Variants in SLC44A1 observed in about 807,000 individuals in gnomAD.
SLC44A1 encodes the protein choline transporter-like protein 1.
Under a neutral mutation model 79.3 loss-of-function variants are expected in SLC44A1, and 26 were observed. The observed-to-expected ratio is 0.33, with a 90% CI of 0.24 to 0.46. The LOEUF (loss-of-function observed/expected upper bound fraction) is 0.46. Ranked by LOEUF, SLC44A1 falls within the 20% of genes least tolerant of loss-of-function variation. The pLI, the probability that SLC44A1 is intolerant of heterozygous loss-of-function variation, is 1.00. For synonymous variants in SLC44A1, 263 were observed against 286.2 expected (o/e 0.92, Z 0.82); for missense variants, 688 against 798.1 (o/e 0.86, Z 1.66).
At chr9:105,377,761 TA>T (rs11297763) in intron 13 of SLC44A1, among the ~76,000 whole-genome samples, 14,994 of 144,706 alleles carry the variant, frequency 0.1, 1,880 homozygotes, top group African/African-American at 0.31. Flanking sequence ...GACTCTGTCT[TA>T]AAAAAAAAAA....
rs1482872993 is a variant in SLC44A1, at chr9:105,389,224, G to A, written c.*168G>A. 7.6e-7 allele frequency: 1 copy of A among 1,309,704 alleles called. No homozygotes were observed. Among genetic ancestry groups the A allele is most frequent in the East Asian group, 2.7e-5 (1 of 36,624 alleles). 81.1% of individuals were successfully genotyped at this position (1,309,704 alleles called of 1,614,324 possible). ...CAGCCAAAATCAGAGAAAAGGAACA[G>A]GGATTTAATACCTTTTTTATGCTTA... is the stretch of plus-strand genomic sequence containing the variant. On this transcript the variant is annotated 3_prime_UTR_variant, in exon 16 of 16. Coordinates refer to ENST00000374720, the MANE Select transcript of SLC44A1 (RefSeq NM_080546.5).
intron 1 of SLC44A1, among the ~76,000 whole-genome samples, chr9:105,257,883 G>A (rs1399933136): frequency 6.6e-6 from 1 of 152,164 alleles, no homozygotes; most frequent in Non-Finnish European, 1.5e-5. Flanking sequence ...ATTTGGGGAA[G>A]GCATTCATAT....
chr9:105,332,371 T>G (rs1826779426), intron 3 of SLC44A1, among the ~76,000 whole-genome samples: 2 of 152,104 alleles, frequency 1.3e-5, no homozygotes, highest in African/African-American at 2.4e-5. Flanking sequence ...CTGCCCACCT[T>G]GGCCTCCCAA....
At chr9:105,321,676 G>A (rs921239499) in intron 3 of SLC44A1, among the ~76,000 whole-genome samples, 11 of 152,064 alleles carry the variant, frequency 7.2e-5, no homozygotes, top group African/African-American at 2.7e-4. Context: ...AGGTTATAAA[G>A]CAGATGCCTA....
chr9:105,329,135 G>A (rs1441599043), intron 3 of SLC44A1, among the ~76,000 whole-genome samples: 1 of 152,168 alleles, frequency 6.6e-6, no homozygotes, highest in Non-Finnish European at 1.5e-5. Context: ...GCCTCCGCTA[G>A]GCTGTCATGG....
At chr9:105,339,635 G>A (rs1365992238) in intron 4 of SLC44A1, among the ~76,000 whole-genome samples, 1 of 152,110 alleles carries the variant, frequency 6.6e-6, no homozygotes, top group East Asian at 1.9e-4. Context: ...TTCAAGACCA[G>A]CCTGCACAAC....
intron 2 of SLC44A1, among the ~76,000 whole-genome samples, chr9:105,301,191 C>T (rs12378850): frequency 0.026 from 3,981 of 152,218 alleles, 57 homozygotes; most frequent in Middle Eastern, 0.099. Flanking sequence ...CCATGCCACC[C>T]GAGGTGCTTT....
chr9:105,350,959 A>T (rs553916964), intron 5 of SLC44A1, among the ~76,000 whole-genome samples: 146 of 152,328 alleles, frequency 9.6e-4, no homozygotes, highest in Non-Finnish European at 1.9e-3. Context: ...GATGATTACC[A>T]TTCCTAAAAG....
intron 1 of SLC44A1, among the ~76,000 whole-genome samples, chr9:105,261,036 C>A (rs1349555461): frequency 2.0e-5 from 3 of 152,152 alleles, no homozygotes; most frequent in Non-Finnish European, 4.4e-5. Context: ...AAAACAAATA[C>A]AACTTGCCAA....
chr9:105,396,564 C>T lies in SLC44A1; in HGVS notation c.*7508C>T. 1 of 985,356 alleles carries T rather than the reference C, an allele frequency of 1.0e-6. No homozygotes were observed. Among genetic ancestry groups the T allele is most frequent in the Admixed American group, 6.1e-5 (1 of 16,284 alleles). The allele number at this position is 985,356 out of a possible 1,614,324, so 61.0% of individuals were successfully genotyped here. ...AGGGACCTGCTATTGATCTCTCAGG[C>T]ACTGAGTCTTCACATCCAGTGTCAA... On this transcript the variant is annotated 3_prime_UTR_variant, in exon 16 of 16. Coordinates refer to ENST00000374720, the MANE Select transcript of SLC44A1 (RefSeq NM_080546.5).
At position 105,395,579 on chromosome 9, in the gene SLC44A1, CAT is replaced by C; in HGVS notation, c.*6524_*6525del. On this transcript the variant is annotated 3_prime_UTR_variant, in exon 16 of 16. Transcript: ENST00000374720. Reference sequence around the variant, plus strand: ...TGCAGAGACCACTGGTGGAAATTCCCATGTTGGATAGAAAAGGGCGTAAGTCC... The same window carrying C: ...TGCAGAGACCACTGGTGGAAATTCCCGTTGGATAGAAAAGGGCGTAAGTCC... 2.0e-6 allele frequency: 2 copies of C among 985,390 alleles called. No homozygotes were observed. The highest frequency in any genetic ancestry group is 2.4e-6 in the Non-Finnish European group (2 of 829,928). The allele number at this position is 985,390 out of a possible 1,614,324, so 61.0% of individuals were successfully genotyped here.
At chr9:105,428,126 T>C (rs573316125) in intron 15 of SLC44A1, among the ~76,000 whole-genome samples, 9 of 152,160 alleles carry the variant, frequency 5.9e-5, no homozygotes, top group African/African-American at 1.2e-4. Context: ...TTACCTATAA[T>C]CTATACGATG....
chr9:105,307,125 G>T (rs968640727), intron 2 of SLC44A1, among the ~76,000 whole-genome samples: 3 of 152,134 alleles, frequency 2.0e-5, no homozygotes, highest in Non-Finnish European at 4.4e-5. Flanking sequence ...CCATGTACCA[G>T]ACATTCAGCT....
At chr9:105,432,170 C>T (rs1334205891) in intron 15 of SLC44A1, among the ~76,000 whole-genome samples, 1 of 152,174 alleles carries the variant, frequency 6.6e-6, no homozygotes, top group Admixed American at 6.5e-5. Flanking sequence ...GATCTGCCCA[C>T]CTCAGGCTCT....
At chr9:105,293,896 T>G (rs566587678) in intron 1 of SLC44A1, among the ~76,000 whole-genome samples, 151 of 152,326 alleles carry the variant, frequency 9.9e-4, no homozygotes, top group Non-Finnish European at 1.7e-3. Context: ...ATGTGGAGTC[T>G]AAGACATAGT....
At chr9:105,375,579 G>C (rs994854114) in intron 13 of SLC44A1, among the ~76,000 whole-genome samples, 3 of 152,184 alleles carry the variant, frequency 2.0e-5, no homozygotes, top group African/African-American at 7.2e-5. Context: ...ATACATGTAG[G>C]GTATCTAGGA....
rs553954148 is a variant in SLC44A1 at position 105,367,221 on chromosome 9, G to T, written c.1494+792G>T. Among the ~76,000 whole-genome samples the T allele has an allele frequency of 5.9e-5, 9 of 152,128 alleles. No homozygotes were observed. The South Asian group carries it at 1.9e-3, about 32-fold the overall frequency. On this transcript the variant is annotated intron_variant, in intron 12 of 15. Coordinates refer to ENST00000374720, the MANE Select transcript of SLC44A1 (RefSeq NM_080546.5). ...CATCTAATAGGCCAGAGATAAAATT[G>T]ACTTTCTCACCATTTACTGCTAAGT...
chr9:105,344,351 C>T (rs1203446875), intron 4 of SLC44A1, among the ~76,000 whole-genome samples: 5 of 152,094 alleles, frequency 3.3e-5, no homozygotes, highest in Non-Finnish European at 5.9e-5. Flanking sequence ...CTTTTGCCTC[C>T]TCAAAGATAA....
At position 105,397,073 on chromosome 9, in the gene SLC44A1, G is replaced by A. The variant is rs1828891502; in HGVS notation, c.*8017G>A. On this transcript the variant is annotated 3_prime_UTR_variant, in exon 16 of 16. Transcript: ENST00000374720. The stretch of plus-strand genomic sequence containing the variant: ...TATATTAAGCAATTAACTTTCTGGA[G>A]TTGGAGTTATCAAATCTTGCTGGGA... 1.0e-6 allele frequency: 1 copy of A among 985,192 alleles called. No homozygotes were observed. Among genetic ancestry groups the A allele is most frequent in the Non-Finnish European group, 1.2e-6 (1 of 829,866 alleles). 61.0% of individuals were successfully genotyped at this position (985,192 alleles called of 1,614,324 possible).
Sources: allele counts gnomAD v4.1 joint callset (sites outside exome capture counted in the v4.1 genomes callset), GRCh38; gene constraint gnomAD v4.1.1; transcripts MANE v1.5; gene names NCBI Gene and HGNC (gene_info 2026-07-23, HGNC 2026-07-21).